HMCN1: variants seen among roughly 807,000 people sequenced by gnomAD.
The protein encoded by HMCN1 is hemicentin 1, also known as hemicentin-1.
HMCN1 carries 321 observed loss-of-function variants against 625.9 expected under a neutral mutation model. That is an observed-to-expected ratio of 0.51 (90% CI 0.47 to 0.56). The LOEUF (loss-of-function observed/expected upper bound fraction) is 0.56, where lower values mean the gene tolerates loss of function less well. Ranked by LOEUF, HMCN1 falls within the 20% of genes least tolerant of loss-of-function variation. The pLI, the probability that HMCN1 is intolerant of heterozygous loss-of-function variation, is 0.00. For synonymous variants in HMCN1, 2,425 were observed against 2,417.6 expected (o/e 1.00, Z -0.09); for missense variants, 6,588 against 6,887.3 (o/e 0.96, Z 1.54).
intron 100 of HMCN1, among the ~76,000 whole-genome samples, chr1:186,169,286 A>G (rs981901490): frequency 6.6e-6 from 1 of 152,240 alleles, no homozygotes; most frequent in African/African-American, 2.4e-5. Flanking sequence ...TTACAGATTC[A>G]ATGCTATCCC....
chr1:185,789,808 G>A (rs998758267), intron 1 of HMCN1, among the ~76,000 whole-genome samples: 6 of 152,188 alleles, frequency 3.9e-5, no homozygotes, highest in African/African-American at 1.4e-4. Context: ...CAGGCAAAGA[G>A]CCTCTCTGCT....
At chr1:185,835,334 A>T (rs1412638626) in intron 1 of HMCN1, among the ~76,000 whole-genome samples, 1 of 150,672 alleles carries the variant, frequency 6.6e-6, no homozygotes, top group Non-Finnish European at 1.5e-5. Context: ...TCTCTTCTGT[A>T]GTTTTTGGAA....
chr1:186,136,599 T>C, intron 86 of HMCN1, 69 bp from the exon 87 acceptor site: 6 of 1,423,810 alleles, frequency 4.2e-6, no homozygotes, highest in Non-Finnish European at 5.0e-6. Context: ...AATGTCGCCA[T>C]ATAATACATG....
intron 68 of HMCN1, 53 bp downstream of exon 68, chr1:186,095,574 A>G: frequency 6.4e-7 from 1 of 1,556,266 alleles, no homozygotes; most frequent in Non-Finnish European, 8.8e-7. Flanking sequence ...GTGATAGTGA[A>G]TGTTTAGTAA....
chr1:186,153,689 C>T (rs948701651), intron 96 of HMCN1, 61 bp from the exon 97 acceptor site: 1 of 1,419,092 alleles, frequency 7.0e-7, no homozygotes, highest in Non-Finnish European at 1.0e-6. Flanking sequence ...TCATAGTCCC[C>T]TTAAGGGAAA....
At chr1:186,067,808 C>T in intron 49 of HMCN1, 26 bp from the exon 50 acceptor site, 1 of 1,547,964 alleles carries the variant, frequency 6.5e-7, no homozygotes, top group Non-Finnish European at 8.9e-7. Context: ...ACATATATTT[C>T]TTCAACAAAT....
chr1:186,070,688 C>T lies in HMCN1; in HGVS notation c.8070C>T (p.Asn2690=), dbSNP rs774993063. The T allele has an allele frequency of 6.2e-7, 1 of 1,613,490 alleles. No homozygotes were observed. The highest frequency in any genetic ancestry group is 2.2e-5 in the East Asian group (1 of 44,828). ...SPKEVKIKVN[N]TLTLECEAYA... is the part of the protein sequence containing the mutation. ...AAGAAGTGAAGATCAAAGTAAACAACACTCTGACCTTGGAATGTGAAGCGT... is the reference window on the plus strand; with the variant it reads ...AAGAAGTGAAGATCAAAGTAAACAATACTCTGACCTTGGAATGTGAAGCGT... Residue 2690 remains asparagine, a synonymous_variant, in exon 52 of 107, where the codon AAC becomes AAT. Coordinates refer to ENST00000271588, the MANE Select transcript of HMCN1 (RefSeq NM_031935.3).
At chr1:185,890,382 A>T (rs977720713) in intron 4 of HMCN1, among the ~76,000 whole-genome samples, 1 of 146,684 alleles carries the variant, frequency 6.8e-6, no homozygotes, top group Non-Finnish European at 1.5e-5. Flanking sequence ...TTGCTTTTCT[A>T]GTTCTTTTAG....
At chr1:186,033,506 T>C (rs1655614814) in intron 36 of HMCN1, among the ~76,000 whole-genome samples, 1 of 152,184 alleles carries the variant, frequency 6.6e-6, no homozygotes, top group East Asian at 1.9e-4. Context: ...TTAATATCTC[T>C]AAATTACTTA....
intron 67 of HMCN1, 44 bp downstream of exon 67, chr1:186,094,417 A>G (rs1007047155): frequency 4.3e-6 from 6 of 1,388,904 alleles, no homozygotes; most frequent in Non-Finnish European, 5.1e-6. Flanking sequence ...TATGTCAAGT[A>G]TTAAGCAACA....
intron 52 of HMCN1, among the ~76,000 whole-genome samples, chr1:186,073,316 A>G (rs183752440): frequency 2.6e-5 from 4 of 152,318 alleles, no homozygotes; most frequent in Admixed American, 2.6e-4. Flanking sequence ...TTTTTGATCA[A>G]GAAGAAACAG....
chr1:186,077,170 AG>A (rs1007116673), intron 54 of HMCN1, among the ~76,000 whole-genome samples: 1 of 152,158 alleles, frequency 6.6e-6, no homozygotes, highest in African/African-American at 2.4e-5. Context: ...TGTACACTTA[AG>A]GTCAGTGCAG....
At chr1:186,093,815 G>T in intron 66 of HMCN1, 146 bp downstream of exon 66, 1 of 1,051,302 alleles carries the variant, frequency 9.5e-7, no homozygotes, top group Non-Finnish European at 1.4e-6. Context: ...GTAGAGGAAG[G>T]ACAACAAATA....
At chr1:185,764,217 C>T (rs769871189) in intron 1 of HMCN1, among the ~76,000 whole-genome samples, 13 of 152,042 alleles carry the variant, frequency 8.6e-5, no homozygotes, top group Non-Finnish European at 1.9e-4. Context: ...TACTTCTTTG[C>T]ATGGTGAAAT....
At chr1:185,797,965 CAAAA>C (rs35031310) in intron 1 of HMCN1, among the ~76,000 whole-genome samples, 142 of 13,594 alleles carry the variant, frequency 0.01, no homozygotes, top group Middle Eastern at 0.083. Flanking sequence ...GACTCCGTCT[CAAAA>C]AAAAAAAAAA....
intron 6 of HMCN1, among the ~76,000 whole-genome samples, chr1:185,916,532 C>A (rs1483220562): frequency 1.3e-5 from 2 of 152,062 alleles, no homozygotes; most frequent in East Asian, 3.9e-4. Flanking sequence ...ATTAGTTGTT[C>A]TCTTGAATAC....
At chr1:186,164,452 G>C (rs905470760) in intron 97 of HMCN1, among the ~76,000 whole-genome samples, 6 of 151,812 alleles carry the variant, frequency 4.0e-5, no homozygotes, top group East Asian at 1.9e-4. Flanking sequence ...ACCATGTTAG[G>C]CAGGATGGTC....
At chr1:185,958,785 A>C (rs1381647999) in intron 11 of HMCN1, among the ~76,000 whole-genome samples, 1 of 152,194 alleles carries the variant, frequency 6.6e-6, no homozygotes, top group Non-Finnish European at 1.5e-5. Context: ...CAAATTATTT[A>C]ACCATTTTGA....
chr1:185,856,660 C>T (rs943195281), intron 2 of HMCN1, among the ~76,000 whole-genome samples: 9 of 151,998 alleles, frequency 5.9e-5, no homozygotes, highest in Non-Finnish European at 1.0e-4. Flanking sequence ...GTAGGTTATA[C>T]TCATGTTAGA....
Sources: gnomAD v4.1 joint callset for allele counts (sites outside exome capture counted in the v4.1 genomes callset) on GRCh38, gnomAD v4.1.1 for gene constraint, MANE v1.5 for transcripts, NCBI Gene and HGNC (gene_info 2026-07-23, HGNC 2026-07-21) for gene names.